The following HMOX2 variants were observed in gnomAD, a reference collection of about 807,000 sequenced individuals.
HMOX2 encodes the protein heme oxygenase (decycling) 2.
In HMOX2, 30 loss-of-function variants were observed where a neutral mutation model predicts 33.7. The observed-to-expected ratio is 0.89, with a 90% CI of 0.67 to 1.21. HMOX2 has a LOEUF of 1.21. HMOX2 is among the 50% of genes most tolerant of loss of function. The probability of loss-of-function intolerance (pLI) is 0.00; values close to 1 mark genes in which losing one functional copy is unlikely to be tolerated. For missense variants in HMOX2, 403 were observed against 399.1 expected (o/e 1.01, Z -0.08); for synonymous variants, 155 against 155.0 (o/e 1.00, Z 0.00).
chr16:4,489,799 C>G (rs1489343562), intron 1 of HMOX2, among the ~76,000 whole-genome samples: 2 of 151,952 alleles, frequency 1.3e-5, no homozygotes, highest in African/African-American at 4.8e-5. Context: ...GAGGTAGCAA[C>G]AGAGATCTCC....
At chr16:4,485,390 G>A (rs1007454029) in intron 1 of HMOX2, among the ~76,000 whole-genome samples, 1 of 152,172 alleles carries the variant, frequency 6.6e-6, no homozygotes, top group African/African-American at 2.4e-5. Flanking sequence ...GAGGGGATGT[G>A]CAAATACAAC....
At chr16:4,475,141 C>G (rs1450053723), upstream of HMOX2, among the ~76,000 whole-genome samples, 9 of 151,040 alleles carry the variant, frequency 6.0e-5, no homozygotes, top group Middle Eastern at 3.5e-3. Context: ...TTAGTAGAGA[C>G]GGGGTTTCAC....
In HMOX2 at chr16:4,507,023, C is replaced by A; in HGVS notation, c.204+11C>A. ...AAGGAGCTGTTTAAGGTTTGTGCCCCGCATTGGGTTCCAGACTGTCATATG... is the reference window on the plus strand; with the variant it reads ...AAGGAGCTGTTTAAGGTTTGTGCCCAGCATTGGGTTCCAGACTGTCATATG... On this transcript the variant is annotated intron_variant, in intron 3 of 5. Coordinates refer to ENST00000570646, the MANE Select transcript of HMOX2 (RefSeq NM_002134.4). The A allele has an allele frequency of 6.4e-7, 1 of 1,551,538 alleles. No homozygotes were observed. Among genetic ancestry groups the A allele is most frequent in the Non-Finnish European group, 8.9e-7 (1 of 1,122,958 alleles).
chr16:4,498,831 C>G (rs17761816), intron 1 of HMOX2, among the ~76,000 whole-genome samples: 82,765 of 152,122 alleles, frequency 0.54, 25,732 homozygotes, highest in Non-Finnish European at 0.7. Flanking sequence ...GCCATTTATT[C>G]TATAAACTCA....
chr16:4,484,584 C>T (rs1352126579), intron 1 of HMOX2, among the ~76,000 whole-genome samples: 1 of 151,722 alleles, frequency 6.6e-6, no homozygotes, highest in Admixed American at 6.6e-5. Context: ...CCTCAGCCTC[C>T]CGAGTAGCTG....
intron 1 of HMOX2, among the ~76,000 whole-genome samples, chr16:4,484,737 A>G (rs888472608): frequency 1.3e-5 from 2 of 152,126 alleles, no homozygotes; most frequent in African/African-American, 2.4e-5. Flanking sequence ...CTGGTATTAC[A>G]GGCATGAGCC....
At chr16:4,489,414 A>G (rs975334246) in intron 1 of HMOX2, among the ~76,000 whole-genome samples, 17 of 152,112 alleles carry the variant, frequency 1.1e-4, no homozygotes, top group African/African-American at 3.4e-4. Flanking sequence ...CCTCGCGAGT[A>G]GCTGGGACCA....
chr16:4,490,612 A>G (rs563381708), intron 1 of HMOX2, among the ~76,000 whole-genome samples: 71 of 152,328 alleles, frequency 4.7e-4, no homozygotes, highest in African/African-American at 1.7e-3. Context: ...ATCCAAATAC[A>G]TACAAAAAAG....
intron 1 of HMOX2, among the ~76,000 whole-genome samples, chr16:4,491,372 G>A (rs963079998): frequency 1.3e-5 from 2 of 152,108 alleles, no homozygotes; most frequent in South Asian, 2.1e-4. Context: ...TTGCTAGGCC[G>A]GGCACTATGG....
In HMOX2 at chr16:4,510,256, C is replaced by T. The variant is rs190794465; in HGVS notation, c.*500C>T. 1.3e-4 allele frequency: 21 copies of T among 166,480 alleles called. No homozygotes were observed. The highest frequency in any genetic ancestry group is 2.3e-4 in the Non-Finnish European group (18 of 76,762). The allele number at this position is 166,480 out of a possible 1,614,324, so 10.3% of individuals were successfully genotyped here. A position where few individuals can be genotyped will look rare whatever the true frequency, so the allele number is the denominator to read the frequency against. ...TCCCTCTCACCCAGAATCCCTCTAA[C>T]CCCTTGGGTGCGGTTTGCTCAGCCC... On this transcript the variant is annotated 3_prime_UTR_variant, in exon 6 of 6. Coordinates refer to ENST00000570646, the MANE Select transcript of HMOX2 (RefSeq NM_002134.4).
chr16:4,496,383 C>G (rs955817859), intron 1 of HMOX2: 4 of 152,158 alleles, frequency 2.6e-5, no homozygotes, highest in African/African-American at 9.7e-5. Flanking sequence ...CTCGGCCTCC[C>G]AAAGAGCTGG....
At chr16:4,486,993 C>T (rs901392242) in intron 1 of HMOX2, among the ~76,000 whole-genome samples, 6 of 152,156 alleles carry the variant, frequency 3.9e-5, no homozygotes, top group Non-Finnish European at 5.9e-5. Context: ...GGCGTGGTGG[C>T]CCACGCCTGT....
intron 1 of HMOX2, chr16:4,495,670 C>T (rs2058400188): frequency 1.3e-5 from 2 of 152,186 alleles, no homozygotes; most frequent in South Asian, 2.1e-4. Context: ...ATTGCACTAC[C>T]ATTTCTGAGG....
intron 3 of HMOX2, 81 bp from the exon 4 acceptor site, chr16:4,507,632 G>A: frequency 4.1e-6 from 6 of 1,468,662 alleles, no homozygotes; most frequent in South Asian, 1.3e-5. Context: ...GGGGTTGGGG[G>A]TTGTCACTTG....
At chr16:4,504,531 T>C (rs1436421014) in intron 1 of HMOX2, among the ~76,000 whole-genome samples, 1 of 151,110 alleles carries the variant, frequency 6.6e-6, no homozygotes, top group Non-Finnish European at 1.5e-5. Flanking sequence ...CGGCTAATTT[T>C]GCATTTTTAG....
chr16:4,486,393 A>C (rs544828151), intron 1 of HMOX2, among the ~76,000 whole-genome samples: 1 of 152,228 alleles, frequency 6.6e-6, no homozygotes, highest in Admixed American at 6.5e-5. Flanking sequence ...CAGCAACTTA[A>C]CTGGCTAGTG....
intron 1 of HMOX2, 67 bp from the exon 2 acceptor site, chr16:4,505,417 A>T (rs2058665146): frequency 1.4e-6 from 1 of 719,766 alleles, no homozygotes; most frequent in Non-Finnish European, 2.3e-6. Context: ...AGGAAAGCAG[A>T]ACCGACAGGT....
At chr16:4,492,618 CTG>C (rs1210884574) in intron 1 of HMOX2, among the ~76,000 whole-genome samples, 4 of 152,014 alleles carry the variant, frequency 2.6e-5, no homozygotes, top group Admixed American at 1.3e-4. Context: ...ACTCGGGAGT[CTG>C]AGGCAGGAAA....
At chr16:4,484,460 CTTTT>C (rs58092240) in intron 1 of HMOX2, among the ~76,000 whole-genome samples, 4 of 118,290 alleles carry the variant, frequency 3.4e-5, no homozygotes, top group African/African-American at 1.0e-4. Context: ...CTTTTCTTTT[CTTTT>C]TTTTTTTTTT....
Sources: gnomAD v4.1 joint callset for allele counts (sites outside exome capture counted in the v4.1 genomes callset) on GRCh38, gnomAD v4.1.1 for gene constraint, MANE v1.5 for transcripts, NCBI Gene and HGNC (gene_info 2026-07-23, HGNC 2026-07-21) for gene names.